Variants in ATP8A2 observed in about 807,000 individuals in gnomAD.
ATP8A2 encodes the protein ATPase phospholipid transporting 8A2.
In ATP8A2, 100 loss-of-function variants were observed where a neutral mutation model predicts 165.6. That is an observed-to-expected ratio of 0.60 (90% CI 0.51 to 0.71). The LOEUF is 0.71. Among genes scored for constraint, ATP8A2 ranks in the 30% least tolerant of loss-of-function variants. The probability of loss-of-function intolerance (pLI) is 0.00; values close to 1 mark genes in which losing one functional copy is unlikely to be tolerated. For missense variants in ATP8A2, 1,227 were observed against 1,479.5 expected (o/e 0.83, Z 2.80); for synonymous variants, 543 against 548.8 (o/e 0.99, Z 0.15).
chr13:25,748,166 A>G (rs1593288637), intron 25 of ATP8A2, among the ~76,000 whole-genome samples: 1 of 152,224 alleles, frequency 6.6e-6, no homozygotes, highest in East Asian at 1.9e-4. Flanking sequence ...GGACATTGTG[A>G]ATGGGCTAGT....
intron 24 of ATP8A2, among the ~76,000 whole-genome samples, chr13:25,639,585 G>A (rs996566959): frequency 2.6e-5 from 4 of 152,158 alleles, no homozygotes; most frequent in Non-Finnish European, 4.4e-5. Flanking sequence ...CAATACAGGA[G>A]CACCCAGATT....
intron 25 of ATP8A2, among the ~76,000 whole-genome samples, chr13:25,723,487 T>TA (rs1178342319): frequency 1.3e-5 from 2 of 152,238 alleles, no homozygotes; most frequent in Non-Finnish European, 2.9e-5. Flanking sequence ...GAGTTTCTTG[T>TA]AGTTAGAATT....
At chr13:25,589,575 A>G (rs2040012897) in intron 23 of ATP8A2, 60 bp from the exon 24 acceptor site, 1 of 1,322,284 alleles carries the variant, frequency 7.6e-7, no homozygotes, top group Non-Finnish European at 1.1e-6. Context: ...AAGGAGGTTG[A>G]ATTTAAGGAG....
chr13:25,878,277 A>G (rs1952873460), intron 33 of ATP8A2, among the ~76,000 whole-genome samples: 1 of 152,054 alleles, frequency 6.6e-6, no homozygotes, highest in African/African-American at 2.4e-5. Context: ...TGTCGAAACA[A>G]ATGAACCTAG....
At chr13:25,505,278 A>G (rs755812816) in intron 2 of ATP8A2, among the ~76,000 whole-genome samples, 8 of 151,962 alleles carry the variant, frequency 5.3e-5, no homozygotes, top group Non-Finnish European at 8.8e-5. Flanking sequence ...AGATCTATTG[A>G]CATATACCCT....
Position 25,591,189 on chromosome 13 carries a change from G to A in ATP8A2, c.2211+1490G>A, listed in dbSNP as rs1025781969. 6.8e-6 allele frequency: 3 copies of A among 439,538 alleles called. No homozygotes were observed. In the Admixed American group the frequency reaches 7.2e-5, roughly 11 times the overall value. The allele number at this position is 439,538 out of a possible 1,614,324, so 27.2% of individuals were successfully genotyped here. On this transcript the variant is annotated intron_variant, in intron 24 of 36. Transcript: ENST00000381655. ...TTGTTGTGAAATACATCATTTAAGT[G>A]TACAGTTCAGTGGCATTAAGTATAT...
chr13:25,720,167 CT>C (rs1007404557), intron 25 of ATP8A2, among the ~76,000 whole-genome samples: 8,436 of 117,120 alleles, frequency 0.072, 250 homozygotes, highest in East Asian at 0.21. Context: ...TATACTTTTT[CT>C]TTTTTTTTTT....
At chr13:25,762,661 G>A (rs1440111686) in intron 25 of ATP8A2, among the ~76,000 whole-genome samples, 6 of 152,120 alleles carry the variant, frequency 3.9e-5, no homozygotes, top group Non-Finnish European at 8.8e-5. Flanking sequence ...CATGATTTTG[G>A]TAGTTAGTCA....
rs1956876513 is a variant in ATP8A2 at position 26,012,718 on chromosome 13, G to C, written c.3469+96G>C. On this transcript the variant is annotated intron_variant, in intron 36 of 36. Transcript: ENST00000381655. ...GGGAGCGGGCGCTGATGGGGGGCCGGGTGAGTGCTGACGGGGGGTGGGGGC... is the reference window on the plus strand; with the variant it reads ...GGGAGCGGGCGCTGATGGGGGGCCGCGTGAGTGCTGACGGGGGGTGGGGGC... 1.3e-5 allele frequency: 5 copies of C among 394,364 alleles called. No individual in the cohort carries two copies. In the South Asian group the frequency reaches 1.9e-4, roughly 15 times the overall value. 24.4% of individuals were successfully genotyped at this position (394,364 alleles called of 1,614,324 possible). A position where few individuals can be genotyped will look rare whatever the true frequency, so the allele number is the denominator to read the frequency against.
chr13:25,741,814 G>A (rs907086253), intron 25 of ATP8A2, among the ~76,000 whole-genome samples: 2 of 152,192 alleles, frequency 1.3e-5, no homozygotes, highest in African/African-American at 4.8e-5. Context: ...GGGTTCTGGG[G>A]CAGTATCTGC....
intron 2 of ATP8A2, among the ~76,000 whole-genome samples, chr13:25,509,986 TGCTG>T (rs1212963642): frequency 6.6e-6 from 1 of 152,226 alleles, no homozygotes; most frequent in Non-Finnish European, 1.5e-5. Context: ...AACACTGCTA[TGCTG>T]GCTGGCCAGT....
intron 25 of ATP8A2, among the ~76,000 whole-genome samples, chr13:25,715,269 T>C (rs2043232824): frequency 6.6e-6 from 1 of 152,218 alleles, no homozygotes. Flanking sequence ...CTCAGTGCAA[T>C]GTGAAACCTT....
chr13:25,488,442 C>T (rs2036420071), intron 2 of ATP8A2, among the ~76,000 whole-genome samples: 1 of 152,164 alleles, frequency 6.6e-6, no homozygotes, highest in Non-Finnish European at 1.5e-5. Flanking sequence ...TACAACTTTA[C>T]CATTACAAGG....
At chr13:25,989,141 G>T (rs1374290955) in intron 35 of ATP8A2, among the ~76,000 whole-genome samples, 1 of 152,220 alleles carries the variant, frequency 6.6e-6, no homozygotes, top group African/African-American at 2.4e-5. Flanking sequence ...CAGTCAGGGG[G>T]TCCCTGCAGC....
At position 25,628,439 on chromosome 13, in the gene ATP8A2, G is replaced by A. The variant is rs1386673637; in HGVS notation, c.2211+38740G>A. Among the ~76,000 whole-genome samples, 6 of 152,212 alleles carry A rather than the reference G, an allele frequency of 3.9e-5. No homozygotes were observed. In the East Asian group the frequency reaches 5.8e-4, roughly 15 times the overall value. On this transcript the variant is annotated intron_variant, in intron 24 of 36. Transcript: ENST00000381655. ...AGTCCACACCTGTAAATGCACTTAC[G>A]TTTTCATACTTCCTTGCCTTTTATT...
intron 24 of ATP8A2, among the ~76,000 whole-genome samples, chr13:25,683,818 A>G (rs7325089): frequency 0.99 from 150,821 of 152,206 alleles, 74,741 homozygotes; most frequent in East Asian, 1. Context: ...TTAGGTGGGG[A>G]CAGGCACTTT....
At chr13:25,533,876 C>A (rs2038195053) in intron 6 of ATP8A2, among the ~76,000 whole-genome samples, 1 of 152,076 alleles carries the variant, frequency 6.6e-6, no homozygotes, top group South Asian at 2.1e-4. Flanking sequence ...TCTGCCATAC[C>A]ATCTAGGTAT....
chr13:25,788,745 T>C (rs182279778), intron 27 of ATP8A2, among the ~76,000 whole-genome samples: 7 of 152,348 alleles, frequency 4.6e-5, no homozygotes, highest in Admixed American at 2.0e-4. Context: ...AGATTAACTC[T>C]TGAGTGGGCT....
intron 27 of ATP8A2, among the ~76,000 whole-genome samples, chr13:25,787,256 C>A (rs2045053123): frequency 6.6e-6 from 1 of 152,210 alleles, no homozygotes; most frequent in Non-Finnish European, 1.5e-5. Context: ...AACAGCTGGT[C>A]TGTTTTCTGA....
Sources: allele counts gnomAD v4.1 joint callset (sites outside exome capture counted in the v4.1 genomes callset), GRCh38; gene constraint gnomAD v4.1.1; transcripts MANE v1.5; gene names NCBI Gene and HGNC (gene_info 2026-07-23, HGNC 2026-07-21).